Variants in RYK observed in about 807,000 individuals in gnomAD.
RYK encodes the protein inactive tyrosine-protein kinase RYK.
A neutral mutation model predicts 70.2 loss-of-function variants in RYK; 21 were observed. The ratio of observed to expected loss-of-function variants is 0.30; its 90% CI spans 0.21 to 0.43. RYK has a LOEUF of 0.43. RYK is among the 20% of genes least tolerant of loss of function. RYK has a pLI of 1.00. For synonymous variants in RYK, 267 were observed against 278.0 expected (o/e 0.96, Z 0.39); for missense variants, 604 against 753.3 (o/e 0.80, Z 2.32).
intron 5 of RYK, among the ~76,000 whole-genome samples, chr3:134,205,433 A>G (rs997832666): frequency 1.3e-5 from 2 of 152,216 alleles, no homozygotes; most frequent in Non-Finnish European, 2.9e-5. Context: ...GCCTGAATGA[A>G]GGCATGACTT....
chr3:134,204,311 T>TA (rs2014131609), intron 5 of RYK, among the ~76,000 whole-genome samples: 2 of 151,574 alleles, frequency 1.3e-5, no homozygotes, highest in African/African-American at 4.9e-5. Context: ...CTGACCAACA[T>TA]AGTGAAACCC....
chr3:134,210,949 G>A (rs1272068170), intron 3 of RYK, among the ~76,000 whole-genome samples: 2 of 152,218 alleles, frequency 1.3e-5, no homozygotes, highest in African/African-American at 4.8e-5. Flanking sequence ...CGAGCAGAAA[G>A]AGGAAAAGAT....
intron 13 of RYK, among the ~76,000 whole-genome samples, chr3:134,160,747 C>A (rs1038850734): frequency 6.6e-6 from 1 of 152,056 alleles, no homozygotes; most frequent in Non-Finnish European, 1.5e-5. Context: ...CCCAGCTACT[C>A]GGGAGGCTGA....
chr3:134,245,733 C>G (rs1409637630), intron 1 of RYK, among the ~76,000 whole-genome samples: 6 of 152,142 alleles, frequency 3.9e-5, no homozygotes, highest in African/African-American at 1.4e-4. Context: ...AACCCAAACC[C>G]TGGCAGCTGG....
At chr3:134,186,576 G>A (rs1420144147) in intron 9 of RYK, among the ~76,000 whole-genome samples, 2 of 152,160 alleles carry the variant, frequency 1.3e-5, no homozygotes, top group East Asian at 3.8e-4. Flanking sequence ...AGGACTCACT[G>A]TGCTTTCTCT....
chr3:134,187,242 T>C (rs9858450), intron 9 of RYK, among the ~76,000 whole-genome samples: 22,883 of 152,182 alleles, frequency 0.15, 2,080 homozygotes, highest in East Asian at 0.47. Context: ...TTTTGTTAGA[T>C]TGGTATAACC....
chr3:134,182,072 G>A (rs1006156279), intron 10 of RYK, among the ~76,000 whole-genome samples: 6 of 151,532 alleles, frequency 4.0e-5, no homozygotes, highest in Admixed American at 6.6e-5. Context: ...GGAGAATGGC[G>A]TGAACCAGGG....
In RYK at chr3:134,250,691, G is replaced by A; in HGVS notation, c.-37C>T. ...CCGCCGCCGAAGAGGAGCGTCGGCC[G>A]CCCGCCGCACCGCCGCCCACCCCCG... On this transcript the variant is annotated 5_prime_UTR_variant, in exon 1 of 15. Transcript: ENST00000623711. The A allele has an allele frequency of 1.0e-6, 1 of 963,082 alleles. No homozygotes were observed. Among genetic ancestry groups the A allele is most frequent in the Non-Finnish European group, 1.2e-6 (1 of 811,804 alleles). The allele number at this position is 963,082 out of a possible 1,614,324, so 59.7% of individuals were successfully genotyped here.
At position 134,189,043 on chromosome 3, in the gene RYK, T is replaced by C. The variant is rs935007656; in HGVS notation, c.1016-120A>G. 1.9e-5 allele frequency: 11 copies of C among 564,482 alleles called. No individual in the cohort carries two copies. The African/African-American group carries it at 2.0e-4, about 10-fold the overall frequency. 35.0% of individuals were successfully genotyped at this position (564,482 alleles called of 1,614,324 possible). On this transcript the variant is annotated intron_variant, in intron 8 of 14. Transcript: ENST00000623711. ...CAAGGTCATATGTGATCAACATTACTGTAGCCCTAGAGTAAAAAGACCCAA... is the reference window on the plus strand; with the variant it reads ...CAAGGTCATATGTGATCAACATTACCGTAGCCCTAGAGTAAAAAGACCCAA...
chr3:134,159,536 T>C (rs2012380465), intron 13 of RYK, among the ~76,000 whole-genome samples, 163 bp from the exon 14 acceptor site: 1 of 152,192 alleles, frequency 6.6e-6, no homozygotes, highest in African/African-American at 2.4e-5. Context: ...TTAGTTTCCC[T>C]TGCTAAGATA....
chr3:134,167,294 C>A (rs1177950242), intron 13 of RYK, among the ~76,000 whole-genome samples: 1 of 152,152 alleles, frequency 6.6e-6, no homozygotes, highest in Non-Finnish European at 1.5e-5. Flanking sequence ...CCAAGACAAT[C>A]CTAAGCCAGA....
chr3:134,185,713 A>C (rs558050373), intron 9 of RYK, among the ~76,000 whole-genome samples: 85 of 152,316 alleles, frequency 5.6e-4, no homozygotes, highest in African/African-American at 1.9e-3. Context: ...CAAGACTGAA[A>C]ACTAGTAATA....
At chr3:134,205,370 A>G (rs1354408526) in intron 5 of RYK, among the ~76,000 whole-genome samples, 1 of 152,248 alleles carries the variant, frequency 6.6e-6, no homozygotes, top group African/African-American at 2.4e-5. Context: ...AATAAATCAG[A>G]ACAGATTAAC....
At chr3:134,243,114 G>A (rs945125149) in intron 1 of RYK, among the ~76,000 whole-genome samples, 1 of 152,098 alleles carries the variant, frequency 6.6e-6, no homozygotes, top group Non-Finnish European at 1.5e-5. Flanking sequence ...AGGAGAGAGG[G>A]GTGCTGGGAG....
At chr3:134,164,658 A>G (rs79046206) in intron 13 of RYK, among the ~76,000 whole-genome samples, 13,918 of 152,332 alleles carry the variant, frequency 0.091, 1,303 homozygotes, top group South Asian at 0.32. Context: ...ACCTGTTGAT[A>G]AGCATTTGAA....
chr3:134,246,205 G>A (rs1354797813), intron 1 of RYK, among the ~76,000 whole-genome samples: 1 of 150,370 alleles, frequency 6.7e-6, no homozygotes, highest in Admixed American at 6.7e-5. Context: ...ACTCCTTCCA[G>A]TACAAAGAAA....
intron 1 of RYK, among the ~76,000 whole-genome samples, chr3:134,229,628 C>G (rs946431981): frequency 6.6e-6 from 1 of 151,632 alleles, no homozygotes; most frequent in African/African-American, 2.4e-5. Context: ...AAAACAGTCA[C>G]ATCTATCTAA....
chr3:134,212,924 C>A (rs907868917), intron 2 of RYK, among the ~76,000 whole-genome samples: 1 of 152,098 alleles, frequency 6.6e-6, no homozygotes, highest in African/African-American at 2.4e-5. Flanking sequence ...TCTTCCTTTG[C>A]AGTTAAGATA....
At chr3:134,195,925 G>T (rs915119460) in intron 6 of RYK, among the ~76,000 whole-genome samples, 1 of 150,838 alleles carries the variant, frequency 6.6e-6, no homozygotes, top group Non-Finnish European at 1.5e-5. Context: ...CAGCCTGGGC[G>T]ATAAAGTGAC....
Sources: allele counts gnomAD v4.1 joint callset (sites outside exome capture counted in the v4.1 genomes callset), GRCh38; gene constraint gnomAD v4.1.1; transcripts MANE v1.5; gene names NCBI Gene and HGNC (gene_info 2026-07-23, HGNC 2026-07-21).